The following R3HDM2 variants were observed in gnomAD, a reference collection of about 807,000 sequenced individuals.
R3HDM2 encodes the protein R3H domain containing 2.
Under a neutral mutation model 124.5 loss-of-function variants are expected in R3HDM2, and 38 were observed. The ratio of observed to expected loss-of-function variants is 0.31; its 90% confidence interval spans 0.24 to 0.40. The LOEUF (loss-of-function observed/expected upper bound fraction) is 0.40. Among genes scored for constraint, R3HDM2 ranks in the 10% least tolerant of loss-of-function variants. The pLI, the probability that R3HDM2 is intolerant of heterozygous loss-of-function variation, is 1.00. For synonymous variants in R3HDM2, 391 were observed against 448.0 expected (o/e 0.87, Z 1.61); for missense variants, 869 against 1,236.9 (o/e 0.70, Z 4.46).
chr12:57,378,195 T>C (rs1024175752), intron 2 of R3HDM2, among the ~76,000 whole-genome samples: 2 of 152,192 alleles, frequency 1.3e-5, no homozygotes, highest in African/African-American at 4.8e-5. Context: ...ACAGCAAATC[T>C]GTAACAAAAT....
chr12:57,410,663 G>T (rs2139277045), intron 1 of R3HDM2, among the ~76,000 whole-genome samples: 1 of 152,240 alleles, frequency 6.6e-6, no homozygotes, highest in Non-Finnish European at 1.5e-5. Flanking sequence ...GACCAGCCTG[G>T]GCTACATGGC....
At chr12:57,265,890 G>A (rs549958596) in intron 19 of R3HDM2, among the ~76,000 whole-genome samples, 9 of 149,798 alleles carry the variant, frequency 6.0e-5, no homozygotes, top group African/African-American at 2.0e-4. Flanking sequence ...TCCGTCTCCC[G>A]GGTTCAAGCA....
intron 12 of R3HDM2, among the ~76,000 whole-genome samples, chr12:57,287,123 T>G (rs2047532813): frequency 6.6e-6 from 1 of 152,196 alleles, no homozygotes; most frequent in Non-Finnish European, 1.5e-5. Flanking sequence ...AGCTCCATTT[T>G]TGCTTCTATT....
intron 1 of R3HDM2, among the ~76,000 whole-genome samples, chr12:57,413,847 CTT>C (rs56189620): frequency 0.5 from 60,735 of 120,728 alleles, 14,062 homozygotes; most frequent in Admixed American, 0.56. Context: ...AATCCCCCCC[CTT>C]TTTTTTTTTT....
chr12:57,320,749 T>C (rs542102750), intron 2 of R3HDM2, among the ~76,000 whole-genome samples: 2 of 152,266 alleles, frequency 1.3e-5, no homozygotes, highest in South Asian at 4.1e-4. Flanking sequence ...CCTTCCATAA[T>C]AGAGTGAGAT....
intron 21 of R3HDM2, among the ~76,000 whole-genome samples, chr12:57,257,074 C>T (rs1045161473): frequency 7.9e-5 from 12 of 152,156 alleles, no homozygotes; most frequent in African/African-American, 2.9e-4. Context: ...CTGCCCCGGG[C>T]TCCCAAAGTG....
intron 2 of R3HDM2, among the ~76,000 whole-genome samples, chr12:57,368,599 G>A (rs1306864837): frequency 1.3e-5 from 2 of 152,078 alleles, no homozygotes; most frequent in African/African-American, 4.8e-5. Flanking sequence ...AAAAATTCAC[G>A]ACATCAAGGC....
chr12:57,394,779 C>T (rs914562155), intron 2 of R3HDM2, among the ~76,000 whole-genome samples: 5 of 152,002 alleles, frequency 3.3e-5, no homozygotes, highest in Admixed American at 1.3e-4. Flanking sequence ...GTATCTCAAG[C>T]GGGAAGAAAT....
chr12:57,355,204 T>C (rs1459254613), intron 2 of R3HDM2, among the ~76,000 whole-genome samples: 1 of 151,590 alleles, frequency 6.6e-6, no homozygotes, highest in Admixed American at 6.6e-5. Flanking sequence ...ATGCCTGTAA[T>C]CCCAGCACTT....
At chr12:57,266,706 G>A in intron 19 of R3HDM2, 25 bp downstream of exon 19, 1 of 1,527,768 alleles carries the variant, frequency 6.5e-7, no homozygotes, top group South Asian at 1.1e-5. Context: ...CAGTGCCCAA[G>A]ACCCACAGTT....
intron 1 of R3HDM2, among the ~76,000 whole-genome samples, chr12:57,419,629 TG>T (rs1215033071): frequency 1.4e-4 from 21 of 152,010 alleles, no homozygotes; most frequent in Admixed American, 1.4e-3. Context: ...CTGGTAGAGG[TG>T]GGTGTCTCAC....
chr12:57,300,271 T>G, intron 4 of R3HDM2, 90 bp from the exon 5 acceptor site: 11 of 1,143,980 alleles, frequency 9.6e-6, no homozygotes, highest in Non-Finnish European at 1.4e-5. Context: ...TTTGGCTGAA[T>G]GAAAAGTGTC....
At chr12:57,387,979 A>T (rs183117897) in intron 2 of R3HDM2, among the ~76,000 whole-genome samples, 2,536 of 78,178 alleles carry the variant, frequency 0.032, 46 homozygotes, top group African/African-American at 0.092. Flanking sequence ...TTTTTTTTTT[A>T]AAAAGACAAA....
chr12:57,306,791 G>A (rs1362213100), intron 3 of R3HDM2, among the ~76,000 whole-genome samples: 1 of 152,124 alleles, frequency 6.6e-6, no homozygotes, highest in Non-Finnish European at 1.5e-5. Flanking sequence ...GAGGCAGATG[G>A]ATCACCTGAG....
Position 57,256,517 on chromosome 12 carries a change from G to T in R3HDM2, c.2450-6C>A, listed in dbSNP as rs754129681. The T allele has an allele frequency of 1.3e-6, 2 of 1,556,602 alleles. No individual in the cohort carries two copies. Among genetic ancestry groups the T allele is most frequent in the Non-Finnish European group, 8.7e-7 (1 of 1,149,078 alleles). On this transcript the variant is annotated splice_polypyrimidine_tract_variant and splice_region_variant and intron_variant, in intron 21 of 23. Coordinates refer to ENST00000402412, the MANE Select transcript of R3HDM2 (RefSeq NM_001394031.1). ...AAGGGAGTAGCGCCCATCACCTAGG[G>T]AGTAAGAGCAATTGGTTTTCTGGGA...
chr12:57,276,208 T>TAAAA (rs1263227424), intron 14 of R3HDM2, among the ~76,000 whole-genome samples: 18 of 105,336 alleles, frequency 1.7e-4, no homozygotes, highest in African/African-American at 6.2e-4. Context: ...AGACTCCATC[T>TAAAA]AAAAAAAAAA....
chr12:57,254,085 A>G lies in R3HDM2; in HGVS notation c.*688T>C. On this transcript the variant is annotated 3_prime_UTR_variant, in exon 24 of 24. Coordinates refer to ENST00000402412, the MANE Select transcript of R3HDM2 (RefSeq NM_001394031.1). The stretch of plus-strand genomic sequence containing the variant: ...TATAAATATATTCATAAAGACCAAA[A>G]AAGGAAAGGAAGCTTGGGATGTTAA... 1 of 425,112 alleles carries G rather than the reference A, an allele frequency of 2.4e-6. No homozygotes were observed. The highest frequency in any genetic ancestry group is 4.6e-6 in the Non-Finnish European group (1 of 219,138). The allele number at this position is 425,112 out of a possible 1,614,324, so 26.3% of individuals were successfully genotyped here.
intron 14 of R3HDM2, among the ~76,000 whole-genome samples, chr12:57,276,033 T>C (rs1015027989): frequency 1.6e-4 from 25 of 151,894 alleles, no homozygotes; most frequent in Non-Finnish European, 2.8e-4. Flanking sequence ...CTGGCTAACA[T>C]GGTGAAACCC....
At chr12:57,293,948 G>C (rs1033399563) in intron 10 of R3HDM2, among the ~76,000 whole-genome samples, 4 of 152,140 alleles carry the variant, frequency 2.6e-5, no homozygotes, top group African/African-American at 9.7e-5. Flanking sequence ...GTAAATCAAT[G>C]GCAAAGTAGA....
Sources: allele counts gnomAD v4.1 joint callset (sites outside exome capture counted in the v4.1 genomes callset), GRCh38; gene constraint gnomAD v4.1.1; transcripts MANE v1.5; gene names NCBI Gene and HGNC (gene_info 2026-07-23, HGNC 2026-07-21).